FOXP1: variants seen among roughly 807,000 people sequenced by gnomAD.
FOXP1 encodes forkhead box protein P1.
Under a neutral mutation model 98.2 loss-of-function variants are expected in FOXP1, and 15 were observed. The observed-to-expected ratio is 0.15, with a 90% CI of 0.10 to 0.24. The LOEUF (loss-of-function observed/expected upper bound fraction) is 0.24. Ranked by LOEUF, FOXP1 falls within the 10% of genes least tolerant of loss-of-function variation. The pLI is 1.00. For synonymous variants in FOXP1, 371 were observed against 314.5 expected (o/e 1.18, Z -1.90); for missense variants, 633 against 848.5 (o/e 0.75, Z 3.15).
chr3:71,070,367 G>A (rs1403691556), intron 7 of FOXP1, among the ~76,000 whole-genome samples: 1 of 152,148 alleles, frequency 6.6e-6, no homozygotes, highest in Non-Finnish European at 1.5e-5. Context: ...TCTCCGGGGA[G>A]AGCATGTCGG....
chr3:70,954,827 A>G lies in FOXP1; in HGVS notation c.*4420T>C. The G allele has an allele frequency of 8.6e-6, 2 of 232,370 alleles. No homozygotes were observed. Among genetic ancestry groups the G allele is most frequent in the East Asian group, 1.2e-4 (2 of 16,434 alleles). The allele number at this position is 232,370 out of a possible 1,614,324, so 14.4% of individuals were successfully genotyped here. A position where few individuals can be genotyped will look rare whatever the true frequency, so the allele number is the denominator to read the frequency against. ...TGTCTGTATCCGCAGACATGGAATG[A>G]TGGAATTACAGTTGATGTCAAGGAA... is the stretch of plus-strand genomic sequence containing the variant. On this transcript the variant is annotated 3_prime_UTR_variant, in exon 21 of 21. Transcript: ENST00000649528.
chr3:71,053,700 T>C lies in FOXP1; in HGVS notation c.356A>G (p.Gln119Arg). Residue 119 changes from glutamine (Q) to arginine (R), a missense_variant, in exon 8 of 21, where the codon CAA becomes CGA. Physicochemically the swap from Gln to Arg is conservative, Grantham distance 43. This residue lies in a region of FOXP1 where 210 missense variants were observed against 270.6 expected (regional missense o/e 0.78). Coordinates refer to ENST00000649528, the MANE Select transcript of FOXP1 (RefSeq NM_001349338.3). ...CTGGAGCTGCTGAGGGCTCAGCACT[T>C]GTTGCTGGAGGATCTGCTGCATTTG... ...PQQMQQILQQ[Q>R]VLSPQQLQVL... 6.2e-7 allele frequency: 1 copy of C among 1,614,050 alleles called. No individual in the cohort carries two copies. The highest frequency in any genetic ancestry group is 8.5e-7 in the Non-Finnish European group (1 of 1,179,990).
chr3:71,053,798 A>T, intron 7 of FOXP1, 25 bp from the exon 8 acceptor site: 1 of 1,613,768 alleles, frequency 6.2e-7, no homozygotes, highest in African/African-American at 1.3e-5. Flanking sequence ...AAGGATAAAT[A>T]GGAAGCCAGG....
intron 7 of FOXP1, among the ~76,000 whole-genome samples, chr3:71,100,620 C>T (rs1327965633): frequency 6.6e-6 from 1 of 152,190 alleles, no homozygotes; most frequent in Non-Finnish European, 1.5e-5. Flanking sequence ...AAGATAATCT[C>T]CTGAAATTAA....
intron 5 of FOXP1, among the ~76,000 whole-genome samples, chr3:71,244,633 GT>G (rs1421344709): frequency 1.3e-5 from 2 of 152,072 alleles, no homozygotes; most frequent in African/African-American, 4.8e-5. Flanking sequence ...GTTTTCAGCA[GT>G]GTTTACACCA....
intron 7 of FOXP1, among the ~76,000 whole-genome samples, chr3:71,087,872 G>T (rs1024195943): frequency 2.0e-5 from 3 of 152,170 alleles, no homozygotes; most frequent in Non-Finnish European, 4.4e-5. Flanking sequence ...AGCGACTCAT[G>T]TGAAACAAAC....
intron 6 of FOXP1, among the ~76,000 whole-genome samples, chr3:71,133,761 T>C (rs1023625013): frequency 6.6e-6 from 1 of 152,120 alleles, no homozygotes; most frequent in African/African-American, 2.4e-5. Flanking sequence ...TGCTTGACTC[T>C]TGGAGTTGAG....
At chr3:71,294,234 A>G (rs1233027690) in intron 5 of FOXP1, among the ~76,000 whole-genome samples, 1 of 152,236 alleles carries the variant, frequency 6.6e-6, no homozygotes, top group Non-Finnish European at 1.5e-5. Context: ...AAAAGTCAGT[A>G]CACCTTAAAT....
chr3:71,301,837 A>G (rs1576859434), intron 4 of FOXP1, among the ~76,000 whole-genome samples: 1 of 152,224 alleles, frequency 6.6e-6, no homozygotes, highest in Non-Finnish European at 1.5e-5. Flanking sequence ...CTATCCACAC[A>G]GTATAGTGTG....
At chr3:71,528,798 C>A (rs2043597426) in intron 2 of FOXP1, among the ~76,000 whole-genome samples, 1 of 152,208 alleles carries the variant, frequency 6.6e-6, no homozygotes, top group Non-Finnish European at 1.5e-5. Flanking sequence ...TCACTCAGAA[C>A]TTCAAAGACA....
chr3:71,284,258 A>T (rs2071873947), intron 5 of FOXP1, among the ~76,000 whole-genome samples: 1 of 152,200 alleles, frequency 6.6e-6, no homozygotes, highest in African/African-American at 2.4e-5. Context: ...ATACATCTAA[A>T]GAAAAGCAAA....
At chr3:71,114,096 T>C (rs1343340314) in intron 6 of FOXP1, among the ~76,000 whole-genome samples, 3 of 152,114 alleles carry the variant, frequency 2.0e-5, no homozygotes, top group African/African-American at 7.2e-5. Flanking sequence ...TATTTGCGCA[T>C]CAAAGAAGAG....
At chr3:71,368,294 T>C (rs2079059659) in intron 3 of FOXP1, among the ~76,000 whole-genome samples, 1 of 151,958 alleles carries the variant, frequency 6.6e-6, no homozygotes, top group South Asian at 2.1e-4. Context: ...CCTGGCTAAT[T>C]TTTGTATTTT....
chr3:71,538,919 T>A (rs956178126), intron 2 of FOXP1, among the ~76,000 whole-genome samples: 1 of 152,102 alleles, frequency 6.6e-6, no homozygotes, highest in Admixed American at 6.6e-5. Flanking sequence ...CATCATCTGT[T>A]AAGAAGACTA....
At chr3:71,054,741 C>T (rs574865395) in intron 7 of FOXP1, among the ~76,000 whole-genome samples, 189 of 152,124 alleles carry the variant, frequency 1.2e-3, no homozygotes, top group Non-Finnish European at 2.2e-3. Flanking sequence ...AATCACCCCC[C>T]GCCCCAAATA....
intron 10 of FOXP1, among the ~76,000 whole-genome samples, chr3:71,045,368 A>T (rs2048879358): frequency 6.6e-6 from 1 of 152,186 alleles, no homozygotes; most frequent in African/African-American, 2.4e-5. Context: ...TCTTTTGGAC[A>T]GCTTAACTGA....
chr3:71,369,009 A>C (rs2079105661), intron 3 of FOXP1, among the ~76,000 whole-genome samples: 1 of 152,182 alleles, frequency 6.6e-6, no homozygotes, highest in Non-Finnish European at 1.5e-5. Context: ...TGCCCTCATT[A>C]AGATCTACCT....
At chr3:71,015,492 G>A in intron 12 of FOXP1, 57 bp downstream of exon 12, 6 of 1,197,226 alleles carry the variant, frequency 5.0e-6, no homozygotes, top group Non-Finnish European at 7.4e-6. Flanking sequence ...AGCAAAGCAT[G>A]AACGGTGGGA....
chr3:71,026,806 G>A (rs1171023054), intron 11 of FOXP1, among the ~76,000 whole-genome samples: 2 of 152,216 alleles, frequency 1.3e-5, no homozygotes, highest in Non-Finnish European at 2.9e-5. Flanking sequence ...GCAGGAGAAC[G>A]GAGCAGAGAA....
Sources: gnomAD v4.1 joint callset for allele counts (sites outside exome capture counted in the v4.1 genomes callset) on GRCh38, gnomAD v4.1.1 for gene constraint, gnomAD v4.1.1 regional missense constraint, MANE v1.5 for transcripts, NCBI Gene and HGNC (gene_info 2026-07-23, HGNC 2026-07-21) for gene names.